The following HELZ variants were observed in gnomAD, a reference collection of about 807,000 sequenced individuals.
The protein encoded by HELZ is helicase with zinc finger.
A neutral mutation model predicts 218.2 loss-of-function variants in HELZ; 23 were observed. The observed-to-expected ratio is 0.11, with a 90% CI of 0.08 to 0.15. The LOEUF (loss-of-function observed/expected upper bound fraction) is 0.15. Ranked by LOEUF, HELZ falls within the 10% of genes least tolerant of loss-of-function variation. HELZ has a pLI of 1.00. For missense variants in HELZ, 1,813 were observed against 2,353.7 expected (o/e 0.77, Z 4.75); for synonymous variants, 814 against 829.4 (o/e 0.98, Z 0.32).
chr17:67,107,760 AT>A, intron 30 of HELZ, 75 bp from the exon 31 acceptor site: 1 of 1,330,066 alleles, frequency 7.5e-7, no homozygotes, highest in Non-Finnish European at 1.0e-6. Context: ...TCAACTACAC[AT>A]GTATTTTCAA....
At chr17:67,146,136 A>G (rs11655323) in intron 20 of HELZ, among the ~76,000 whole-genome samples, 1,836 of 152,344 alleles carry the variant, frequency 0.012, 13 homozygotes, top group Middle Eastern at 0.024. Context: ...AGAAATGATG[A>G]CAGTTCAATA....
intron 3 of HELZ, among the ~76,000 whole-genome samples, chr17:67,232,286 G>A (rs1469270246): frequency 6.6e-6 from 1 of 151,792 alleles, no homozygotes; most frequent in Admixed American, 6.6e-5. Flanking sequence ...TGAGATTACA[G>A]GCACACACCA....
chr17:67,138,334 T>C (rs2038216324), intron 21 of HELZ, among the ~76,000 whole-genome samples: 1 of 151,916 alleles, frequency 6.6e-6, no homozygotes, highest in Non-Finnish European at 1.5e-5. Flanking sequence ...TCTCCAATAA[T>C]ACAACCAGTG....
chr17:67,162,063 T>C (rs554783450), intron 15 of HELZ, among the ~76,000 whole-genome samples: 4 of 152,304 alleles, frequency 2.6e-5, no homozygotes, highest in South Asian at 4.1e-4. Flanking sequence ...TGAGGCTATA[T>C]TGTACTTAAA....
rs758960573 is a variant in HELZ at position 67,171,037 on chromosome 17, GT to G, written c.1431-3242del. 5.8e-3 allele frequency among the ~76,000 whole-genome samples: 768 copies of G among 131,912 alleles called. 5 individuals are homozygous for G. Among genetic ancestry groups the G allele is most frequent in the South Asian group, 0.013 (57 of 4,256 alleles). The allele number at this position is 131,912 out of a possible 152,430, so 86.5% of individuals were successfully genotyped here. ...AATCTTTTTGCTAAGATGATGTACA[GT>G]TTTTTTTTTTTTTCACTATACAGTC... On this transcript the variant is annotated intron_variant, in intron 13 of 32. Coordinates refer to ENST00000358691, the MANE Select transcript of HELZ (RefSeq NM_014877.4).
At chr17:67,083,776 C>T (rs550543166) in intron 32 of HELZ, among the ~76,000 whole-genome samples, 4 of 152,170 alleles carry the variant, frequency 2.6e-5, no homozygotes, top group Non-Finnish European at 4.4e-5. Context: ...GGAGGGATTC[C>T]CCACCCTCTG....
chr17:67,176,000 CTTCTT>C (rs1314689625), intron 13 of HELZ, among the ~76,000 whole-genome samples: 3 of 152,208 alleles, frequency 2.0e-5, no homozygotes, highest in African/African-American at 7.2e-5. Context: ...ACCACAATCT[CTTCTT>C]TTCATACCTA....
intron 18 of HELZ, 167 bp from the exon 19 acceptor site, chr17:67,150,152 T>TTC: frequency 2.2e-6 from 1 of 454,838 alleles, no homozygotes; most frequent in East Asian, 4.2e-5. Context: ...TTTTTTTTTT[T>TTC]TGAGACAGGG....
At chr17:67,171,145 C>A (rs535194425) in intron 13 of HELZ, among the ~76,000 whole-genome samples, 2 of 151,934 alleles carry the variant, frequency 1.3e-5, no homozygotes, top group African/African-American at 4.8e-5. Context: ...CCTCTCCTAG[C>A]TGCTCTCCAT....
At chr17:67,145,106 T>G (rs2038453253) in intron 21 of HELZ, among the ~76,000 whole-genome samples, 1 of 152,148 alleles carries the variant, frequency 6.6e-6, no homozygotes, top group Non-Finnish European at 1.5e-5. Context: ...CCGCCCCTAA[T>G]GATATGCCAT....
At position 67,226,837 on chromosome 17, in the gene HELZ, T is replaced by G. The variant is rs74874106; in HGVS notation, c.-18-8015A>C. 4.4e-3 allele frequency among the ~76,000 whole-genome samples: 668 copies of G among 152,286 alleles called. 26 individuals are homozygous for G. The East Asian group carries it at 0.094, about 22-fold the overall frequency. On this transcript the variant is annotated intron_variant, in intron 3 of 32. Coordinates refer to ENST00000358691, the MANE Select transcript of HELZ (RefSeq NM_014877.4). The stretch of plus-strand genomic sequence containing the variant: ...ACAAGTATTCAATATATGCAATAAC[T>G]TGAATTAATCTCAAAAACATTATGC...
At chr17:67,133,052 C>T (rs546385473) in intron 23 of HELZ, among the ~76,000 whole-genome samples, 1 of 152,182 alleles carries the variant, frequency 6.6e-6, no homozygotes, top group East Asian at 1.9e-4. Context: ...CTTAAATATC[C>T]ATATGCCCCA....
intron 3 of HELZ, among the ~76,000 whole-genome samples, chr17:67,237,786 C>G (rs1027811022): frequency 6.8e-6 from 1 of 146,740 alleles, no homozygotes; most frequent in Non-Finnish European, 1.5e-5. Context: ...GTCAGGAGTT[C>G]GAGACCAGCC....
chr17:67,078,418 G>A lies in HELZ; in HGVS notation c.5663C>T (p.Ala1888Val), dbSNP rs201422510. The change falls in exon 33 of 33, where the codon GCG (alanine) becomes GTG (valine). Residue 1888 changes from alanine to valine, a missense_variant. By Grantham distance (64) the Ala-to-Val change is moderately conservative. Around this residue, in one of 4 missense-constraint regions of HELZ, gnomAD observed 938 missense variants for 1,027.5 expected, o/e 0.91. Transcript: ENST00000358691. Reference sequence around the variant, plus strand: ...ATAGGACATGGCGGGCTTGCCCCCCGCAGAGCTCTGGGGGCTACTGCTATT... The same window carrying A: ...ATAGGACATGGCGGGCTTGCCCCCCACAGAGCTCTGGGGGCTACTGCTATT... ...SANSSSPQSS[A>V]GGKPAMSYAS... The A allele has an allele frequency of 5.0e-4, 806 of 1,598,618 alleles. 3 individuals carry two copies. Among genetic ancestry groups the A allele is most frequent in the African/African-American group, 7.6e-4 (56 of 74,146 alleles).
intron 15 of HELZ, among the ~76,000 whole-genome samples, chr17:67,162,412 G>A (rs762932412): frequency 8.5e-5 from 13 of 152,094 alleles, no homozygotes; most frequent in Admixed American, 1.3e-4. Context: ...TTATTTCAGA[G>A]TCCCTCAGCA....
At chr17:67,139,063 C>G (rs572510698) in intron 21 of HELZ, among the ~76,000 whole-genome samples, 1 of 151,806 alleles carries the variant, frequency 6.6e-6, no homozygotes, top group Non-Finnish European at 1.5e-5. Context: ...TTAAGTACAT[C>G]GTTTCTTTAT....
chr17:67,223,816 C>T (rs538263497), intron 3 of HELZ, among the ~76,000 whole-genome samples: 101 of 152,290 alleles, frequency 6.6e-4, no homozygotes, highest in African/African-American at 2.4e-3. Flanking sequence ...CTTTAAACTC[C>T]TATCCCTGTG....
chr17:67,172,610 T>C (rs1335360989), intron 13 of HELZ, among the ~76,000 whole-genome samples: 1 of 152,178 alleles, frequency 6.6e-6, no homozygotes, highest in African/African-American at 2.4e-5. Flanking sequence ...AATAGTTTTT[T>C]GTTTTGTTTT....
At chr17:67,241,679 T>C (rs1409727868) in intron 2 of HELZ, among the ~76,000 whole-genome samples, 2 of 152,204 alleles carry the variant, frequency 1.3e-5, no homozygotes, top group Non-Finnish European at 2.9e-5. Context: ...ATAAAACTTC[T>C]TGTTAACAAA....
Sources: gnomAD v4.1 joint callset for allele counts (sites outside exome capture counted in the v4.1 genomes callset) on GRCh38, gnomAD v4.1.1 for gene constraint, gnomAD v4.1.1 regional missense constraint, MANE v1.5 for transcripts, NCBI Gene and HGNC (gene_info 2026-07-23, HGNC 2026-07-21) for gene names.